The following PRSS3 variants were observed in gnomAD, a reference collection of about 807,000 sequenced individuals.
PRSS3 encodes trypsin-3.
PRSS3 carries 14 observed loss-of-function variants against 20.8 expected under a neutral mutation model. The ratio of observed to expected loss-of-function variants is 0.67; its 90% CI spans 0.44 to 1.05. PRSS3 has a LOEUF of 1.05. PRSS3 is among the 50% of genes least tolerant of loss of function. The pLI is 0.00. For missense variants in PRSS3, 237 were observed against 306.4 expected (o/e 0.77, Z 1.69); for synonymous variants, 91 against 117.6 (o/e 0.77, Z 1.46).
Position 33,799,011 on chromosome 9 carries a change from T to C in PRSS3, c.592-17T>C, listed in dbSNP as rs1254737244. ...TCCATCTCTCTCTTTATACAACTTG[T>C]CCCTTCTTCTCCCCAGCGTGACTCT... On this transcript the variant is annotated splice_polypyrimidine_tract_variant and intron_variant, in intron 4 of 4. Coordinates refer to ENST00000379405, the MANE Select transcript of PRSS3 (RefSeq NM_002771.4). The C allele has an allele frequency of 6.2e-7, 1 of 1,613,274 alleles. No homozygotes were observed. The highest frequency in any genetic ancestry group is 1.1e-5 in the South Asian group (1 of 91,062).
chr9:33,795,117 T>C (rs574556762), upstream of PRSS3, among the ~76,000 whole-genome samples: 1 of 152,318 alleles, frequency 6.6e-6, no homozygotes, highest in East Asian at 1.9e-4. Context: ...ACTTTCCTCC[T>C]CTCGTGGGGG....
chr9:33,761,805 G>A (rs1823219553), intron 1 of PRSS3, among the ~76,000 whole-genome samples: 1 of 152,162 alleles, frequency 6.6e-6, no homozygotes, highest in Admixed American at 6.5e-5. Context: ...CTTGAACCCT[G>A]GGGACGGAGG....
intron 1 of PRSS3, among the ~76,000 whole-genome samples, chr9:33,762,332 G>A (rs901210683): frequency 1.3e-5 from 2 of 152,160 alleles, no homozygotes; most frequent in African/African-American, 4.8e-5. Flanking sequence ...TAAAGACGGG[G>A]ATAGACTCTG....
At chr9:33,769,075 T>A (rs1823569896) in intron 1 of PRSS3, among the ~76,000 whole-genome samples, 1 of 152,182 alleles carries the variant, frequency 6.6e-6, no homozygotes, top group African/African-American at 2.4e-5. Context: ...TCATGTTTCA[T>A]GGAAAGCAGA....
chr9:33,794,658 A>G (rs537509505), upstream of PRSS3: 19 of 1,424,480 alleles, frequency 1.3e-5, no homozygotes, highest in Non-Finnish European at 1.7e-5. Flanking sequence ...CCATGGTCCA[A>G]ACTCTGACAT....
At chr9:33,767,303 A>G (rs186321820) in intron 1 of PRSS3, among the ~76,000 whole-genome samples, 22 of 151,992 alleles carry the variant, frequency 1.4e-4, no homozygotes, top group Non-Finnish European at 3.1e-4. Context: ...AAATAAACAG[A>G]AAAAGTAAAA....
intron 1 of PRSS3, among the ~76,000 whole-genome samples, chr9:33,757,976 A>G (rs1823028596): frequency 6.6e-6 from 1 of 152,154 alleles, no homozygotes; most frequent in Admixed American, 6.5e-5. Context: ...ATATCACCTT[A>G]CTAAATATCT....
intron 1 of PRSS3, among the ~76,000 whole-genome samples, chr9:33,754,915 T>C (rs759814502): frequency 3.0e-4 from 45 of 152,346 alleles, no homozygotes; most frequent in Non-Finnish European, 5.3e-4. Context: ...GCTAGCAGCA[T>C]CTGCCATAGT....
At chr9:33,788,671 G>A (rs999677285) in intron 1 of PRSS3, among the ~76,000 whole-genome samples, 3 of 152,156 alleles carry the variant, frequency 2.0e-5, no homozygotes, top group African/African-American at 7.2e-5. Flanking sequence ...ACCAAGTATG[G>A]TTCTGAAAGG....
chr9:33,789,494 G>A (rs928018923), intron 1 of PRSS3, among the ~76,000 whole-genome samples: 8 of 152,144 alleles, frequency 5.3e-5, no homozygotes, highest in East Asian at 1.9e-4. Context: ...TCTAGGATTA[G>A]TTTTCTAGCT....
chr9:33,797,352 A>T (rs1440741621), intron 2 of PRSS3, among the ~76,000 whole-genome samples: 2 of 152,274 alleles, frequency 1.3e-5, no homozygotes, highest in Admixed American at 1.3e-4. Context: ...CCAAGAATTT[A>T]CATTTCTAAC....
chr9:33,762,186 T>C (rs1823237728), intron 1 of PRSS3: 1 of 152,188 alleles, frequency 6.6e-6, no homozygotes, highest in Admixed American at 6.5e-5. Flanking sequence ...TTTTTCATAG[T>C]AATTGTGTTC....
intron 3 of PRSS3, 66 bp from the exon 4 acceptor site, chr9:33,798,420 T>G: frequency 1.3e-6 from 2 of 1,594,822 alleles, no homozygotes; most frequent in South Asian, 1.1e-5. Context: ...CCATCCCAGA[T>G]TATTGTCTCC....
At chr9:33,754,054 C>G (rs1195996451) in intron 1 of PRSS3, among the ~76,000 whole-genome samples, 1 of 151,572 alleles carries the variant, frequency 6.6e-6, no homozygotes, top group Non-Finnish European at 1.5e-5. Flanking sequence ...TTTCTTTTCT[C>G]TCTTCTTTTC....
At chr9:33,796,427 C>T (rs961321015) in intron 1 of PRSS3, among the ~76,000 whole-genome samples, 3 of 151,838 alleles carry the variant, frequency 2.0e-5, no homozygotes, top group Non-Finnish European at 4.4e-5. Flanking sequence ...CAGGAGAGAT[C>T]TGAGCCCCTG....
chr9:33,772,003 C>G (rs1445038622), intron 1 of PRSS3, among the ~76,000 whole-genome samples: 1 of 151,702 alleles, frequency 6.6e-6, no homozygotes, highest in Non-Finnish European at 1.5e-5. Flanking sequence ...TCCCAATTAG[C>G]TGGGACTACA....
chr9:33,785,520 T>G (rs1166658984), intron 1 of PRSS3, among the ~76,000 whole-genome samples: 1 of 152,192 alleles, frequency 6.6e-6, no homozygotes, highest in African/African-American at 2.4e-5. Context: ...TTTCGTGGCC[T>G]AGACTGAGTT....
intron 1 of PRSS3, among the ~76,000 whole-genome samples, chr9:33,755,006 G>A (rs954080289): frequency 9.2e-5 from 14 of 152,114 alleles, no homozygotes; most frequent in African/African-American, 3.4e-4. Flanking sequence ...AAAAAGCAAT[G>A]GGTAATGCAG....
chr9:33,798,287 C>A, intron 3 of PRSS3, 199 bp from the exon 4 acceptor site: 1 of 1,263,906 alleles, frequency 7.9e-7, no homozygotes. Flanking sequence ...AAATGGAGAA[C>A]TTGCTGTGAT....
Sources: allele counts gnomAD v4.1 joint callset (sites outside exome capture counted in the v4.1 genomes callset), GRCh38; gene constraint gnomAD v4.1.1; transcripts MANE v1.5; gene names NCBI Gene and HGNC (gene_info 2026-07-23, HGNC 2026-07-21).